Variants in ADH1A observed in about 807,000 individuals in gnomAD.
ADH1A encodes the protein alcohol dehydrogenase 1A (class I), alpha polypeptide.
In ADH1A, 29 loss-of-function variants were observed where a neutral mutation model predicts 35.2. That is an observed-to-expected ratio of 0.82 (90% CI 0.61 to 1.12). The LOEUF is 1.12. Among genes scored for constraint, ADH1A ranks in the 50% most tolerant of loss-of-function variants. ADH1A has a pLI of 0.00. For synonymous variants in ADH1A, 147 were observed against 164.8 expected, an observed-to-expected ratio of 0.89 and a Z score of 0.83; for missense variants, 469 against 464.7, an observed-to-expected ratio of 1.01 and a Z score of -0.09.
chr4:99,287,757 TC>T, intron 1 of ADH1A, 92 bp from the exon 2 acceptor site: 1 of 1,396,718 alleles, frequency 7.2e-7, no homozygotes, highest in Non-Finnish European at 1.0e-6. Context: ...CAACATCTAA[TC>T]CCATGTCTGG....
chr4:99,278,256 T>A (rs1449449489), intron 8 of ADH1A, among the ~76,000 whole-genome samples: 1 of 152,100 alleles, frequency 6.6e-6, no homozygotes, highest in Non-Finnish European at 1.5e-5. Flanking sequence ...TCAATGATAA[T>A]GATGACAATG....
At chr4:99,281,331 G>T (rs557412070) in intron 6 of ADH1A, 1 of 152,312 alleles carries the variant, frequency 6.6e-6, no homozygotes, top group Non-Finnish European at 1.5e-5. Flanking sequence ...GTGAAATATA[G>T]CTAGAGATGT....
intron 5 of ADH1A, 93 bp from the exon 6 acceptor site, chr4:99,282,699 A>G (rs1733038751): frequency 3.3e-6 from 5 of 1,523,544 alleles, no homozygotes; most frequent in African/African-American, 2.8e-5. Flanking sequence ...TCTTCTGTTC[A>G]ATCTGTTATC....
rs753753699 is a variant in ADH1A, at chr4:99,279,600, AG to A, written c.965-37del. 3.2e-6 allele frequency: 5 copies of A among 1,579,568 alleles called. No individual in the cohort carries two copies. The East Asian group carries it at 1.1e-4, about 36-fold the overall frequency. ...GATGGTATCATTGTTAGATTCAACC[AG>A]GGTAAGTAGGAGAATTGAAGAGAAG... On this transcript the variant is annotated intron_variant, in intron 7 of 8. Transcript: ENST00000209668.
intron 5 of ADH1A, 35 bp downstream of exon 5, chr4:99,284,364 G>A (rs147765101): frequency 3.8e-5 from 61 of 1,602,886 alleles, no homozygotes; most frequent in Middle Eastern, 1.7e-4. Flanking sequence ...GACAGTCTGC[G>A]TGTAACTGTT....
Position 99,284,386 on chromosome 4 carries a change from T to C in ADH1A, c.567+13A>G. On this transcript the variant is annotated intron_variant, in intron 5 of 8. Coordinates refer to ENST00000209668, the MANE Select transcript of ADH1A (RefSeq NM_000667.4). ...TGCGTGTAACTGTTTTTATCACCCA[T>C]TGCCATTCTTACCTTGGCAACATTG... 1 of 1,613,778 alleles carries C rather than the reference T, an allele frequency of 6.2e-7. No individual in the cohort carries two copies. The highest frequency in any genetic ancestry group is 1.7e-5 in the Admixed American group (1 of 60,016).
At chr4:99,279,618 G>A in intron 7 of ADH1A, 54 bp from the exon 8 acceptor site, 8 of 1,556,770 alleles carry the variant, frequency 5.1e-6, no homozygotes, top group Non-Finnish European at 6.9e-6. Context: ...TAGGAGAATT[G>A]AAGAGAAGAT....
chr4:99,290,077 T>G (rs1251846655), intron 1 of ADH1A, among the ~76,000 whole-genome samples: 1 of 152,192 alleles, frequency 6.6e-6, no homozygotes, highest in Non-Finnish European at 1.5e-5. Context: ...GTTGCACAAA[T>G]TTTTGTAATT....
chr4:99,285,916 G>T (rs1184570345), intron 3 of ADH1A, among the ~76,000 whole-genome samples: 1 of 151,188 alleles, frequency 6.6e-6, no homozygotes, highest in Admixed American at 6.6e-5. Flanking sequence ...CAGATACCCG[G>T]TAGGCTGAGG....
At chr4:99,288,361 G>A (rs1002317053) in intron 1 of ADH1A, among the ~76,000 whole-genome samples, 10 of 133,560 alleles carry the variant, frequency 7.5e-5, no homozygotes, top group Non-Finnish European at 1.7e-4. Flanking sequence ...GTGTGTGTAT[G>A]TGTGTGTGTG....
chr4:99,285,076 C>T (rs1485157288), intron 3 of ADH1A, among the ~76,000 whole-genome samples: 2 of 152,144 alleles, frequency 1.3e-5, no homozygotes, highest in African/African-American at 4.8e-5. Context: ...TTAACAGTTA[C>T]TTTCATGTGG....
At chr4:99,285,193 A>C (rs140527411) in intron 3 of ADH1A, among the ~76,000 whole-genome samples, 1 of 152,376 alleles carries the variant, frequency 6.6e-6, no homozygotes, top group African/African-American at 2.4e-5. Context: ...AGGGTATAAT[A>C]GTTCCACTAG....
At chr4:99,290,137 G>C (rs1733257971) in intron 1 of ADH1A, among the ~76,000 whole-genome samples, 1 of 152,076 alleles carries the variant, frequency 6.6e-6, no homozygotes, top group Non-Finnish European at 1.5e-5. Context: ...ATGTATTTTT[G>C]TGCACCTATA....
At position 99,279,407 on chromosome 4, in the gene ADH1A, A is replaced by C. The variant is rs759110700; in HGVS notation, c.1103+19T>G. On this transcript the variant is annotated intron_variant, in intron 8 of 8. Transcript: ENST00000209668. The stretch of plus-strand genomic sequence containing the variant: ...TGGTAGAAAAAAAAGCAAAACAGAA[A>C]ACTAACTAAAAAATCTACCTTTTCC... 10 of 1,583,366 alleles carry C rather than the reference A, an allele frequency of 6.3e-6. 1 individual carries two copies. In the Admixed American group the frequency reaches 2.0e-4, roughly 31 times the overall value.
Position 99,284,425 on chromosome 4 carries a change from A to G in ADH1A, c.541T>C (p.Tyr181His). The change falls in exon 5 of 9, where the codon TAT (tyrosine) becomes CAT (histidine). Residue 181 changes from tyrosine (Y) to histidine (H), a missense_variant. Transcript: ENST00000209668. Reference protein sequence around the residue: ...CLIGCGFSTGYGSAVNVAKVT... With the variant: ...CLIGCGFSTGHGSAVNVAKVT... ...TTGGCAACATTGACTGCAGACCCAT[A>G]ACCAGTTGAAAATCCACAGCCAATG... 1.2e-6 allele frequency: 2 copies of G among 1,614,182 alleles called. No individual in the cohort carries two copies. The highest frequency in any genetic ancestry group is 1.3e-5 in the African/African-American group (1 of 75,046).
intron 7 of ADH1A, 25 bp downstream of exon 7, chr4:99,280,119 T>C: frequency 6.2e-7 from 1 of 1,613,668 alleles, no homozygotes; most frequent in South Asian, 1.1e-5. Context: ...TAATGAGAAT[T>C]TGGCTCTGAA....
chr4:99,289,670 A>C (rs1404611877), intron 1 of ADH1A, among the ~76,000 whole-genome samples: 2 of 152,224 alleles, frequency 1.3e-5, no homozygotes, highest in Non-Finnish European at 2.9e-5. Flanking sequence ...GTATAAACAT[A>C]AATGAAATGC....
At chr4:99,285,311 G>A (rs956699340) in intron 3 of ADH1A, among the ~76,000 whole-genome samples, 6 of 152,126 alleles carry the variant, frequency 3.9e-5, no homozygotes, top group African/African-American at 1.4e-4. Flanking sequence ...TGAAATGAAT[G>A]CTTTTAAAAT....
At chr4:99,288,338 T>G (rs891985706) in intron 1 of ADH1A, among the ~76,000 whole-genome samples, 14 of 144,436 alleles carry the variant, frequency 9.7e-5, no homozygotes, top group Admixed American at 5.4e-4. Flanking sequence ...TAGAGTTGGG[T>G]GTGTGTGTGT....
Sources: gnomAD v4.1 joint callset for allele counts (sites outside exome capture counted in the v4.1 genomes callset) on GRCh38, gnomAD v4.1.1 for gene constraint, MANE v1.5 for transcripts, NCBI Gene and HGNC (gene_info 2026-07-23, HGNC 2026-07-21) for gene names.